Variants in TNKS observed in about 807,000 individuals in gnomAD.
The protein encoded by TNKS is poly [ADP-ribose] polymerase tankyrase-1.
TNKS carries 72 observed loss-of-function variants against 135.8 expected under a neutral mutation model. The observed-to-expected ratio is 0.53, with a 90% CI of 0.44 to 0.64. The LOEUF is 0.64. Ranked by LOEUF, TNKS falls within the 30% of genes least tolerant of loss-of-function variation. TNKS has a pLI of 0.00. For synonymous variants in TNKS, 849 were observed against 649.3 expected, an observed-to-expected ratio of 1.31 and a Z score of -4.68; for missense variants, 1,769 against 1,674.0, an observed-to-expected ratio of 1.06 and a Z score of -0.99.
At chr8:9,750,646 C>T (rs970158304) in intron 18 of TNKS, among the ~76,000 whole-genome samples, 6 of 152,288 alleles carry the variant, frequency 3.9e-5, no homozygotes, top group African/African-American at 9.6e-5. Flanking sequence ...CCAACCAAAG[C>T]CACATGTCCA....
chr8:9,647,959 G>A (rs1800979372), intron 3 of TNKS, among the ~76,000 whole-genome samples: 1 of 152,146 alleles, frequency 6.6e-6, no homozygotes, highest in African/African-American at 2.4e-5. Context: ...ACTGAATACT[G>A]TAGGCAGTTA....
intron 3 of TNKS, among the ~76,000 whole-genome samples, chr8:9,679,406 C>T (rs1051193580): frequency 6.6e-6 from 1 of 152,070 alleles, no homozygotes; most frequent in African/African-American, 2.4e-5. Flanking sequence ...CCTTGCCTAT[C>T]GAGTCAAAGC....
intron 2 of TNKS, among the ~76,000 whole-genome samples, chr8:9,591,253 T>C (rs1798581027): frequency 6.6e-6 from 1 of 152,230 alleles, no homozygotes; most frequent in African/African-American, 2.4e-5. Flanking sequence ...CCTAGGTCCA[T>C]TTGGCTAAAT....
chr8:9,731,543 GA>G (rs1300381696), intron 14 of TNKS, among the ~76,000 whole-genome samples: 1 of 150,722 alleles, frequency 6.6e-6, no homozygotes, highest in Non-Finnish European at 1.5e-5. Flanking sequence ...CCTGCTCAGA[GA>G]TACAGCATTC....
chr8:9,587,728 C>G (rs1388550204), intron 2 of TNKS, among the ~76,000 whole-genome samples: 2 of 152,138 alleles, frequency 1.3e-5, no homozygotes, highest in Non-Finnish European at 2.9e-5. Context: ...CCCAATGAGA[C>G]TTACGTCAGA....
In TNKS at chr8:9,780,347, G is replaced by A. The variant is rs867468269; in HGVS notation, c.*3611G>A. 6.6e-6 allele frequency: 1 copy of A among 152,102 alleles called. No individual in the cohort carries two copies. The highest frequency in any genetic ancestry group is 2.4e-5 in the African/African-American group (1 of 41,408). The allele number at this position is 152,102 out of a possible 1,614,324, so 9.4% of individuals were successfully genotyped here. ...AAATAGCCTTCTTCTTGTGTTTTCT[G>A]TTGGACTAATTGTCTCACGTAAAGC... On this transcript the variant is annotated 3_prime_UTR_variant, in exon 27 of 27. Coordinates refer to ENST00000310430, the MANE Select transcript of TNKS (RefSeq NM_003747.3).
chr8:9,613,966 G>T (rs533999810), intron 2 of TNKS, among the ~76,000 whole-genome samples: 1 of 152,194 alleles, frequency 6.6e-6, no homozygotes, highest in Non-Finnish European at 1.5e-5. Context: ...TGCAGTTCCT[G>T]AAGTATGCAG....
At chr8:9,716,670 C>T (rs975553575) in intron 11 of TNKS, among the ~76,000 whole-genome samples, 3 of 151,976 alleles carry the variant, frequency 2.0e-5, no homozygotes, top group Non-Finnish European at 2.9e-5. Context: ...CTCCCTGCTT[C>T]CCTCTTTCCC....
intron 17 of TNKS, among the ~76,000 whole-genome samples, chr8:9,745,114 T>C (rs1221095946): frequency 6.6e-6 from 1 of 152,176 alleles, no homozygotes. Flanking sequence ...AAGCTTGAAA[T>C]TATTCCGTGC....
chr8:9,667,410 G>A (rs890403403), intron 3 of TNKS, among the ~76,000 whole-genome samples: 8 of 152,172 alleles, frequency 5.3e-5, no homozygotes, highest in Admixed American at 1.3e-4. Context: ...TGCTCTTATC[G>A]GGATGCTTGG....
At chr8:9,625,726 G>A (rs748565689) in intron 3 of TNKS, among the ~76,000 whole-genome samples, 1 of 152,052 alleles carries the variant, frequency 6.6e-6, no homozygotes, top group Non-Finnish European at 1.5e-5. Context: ...TTTCTAGTTT[G>A]ATTCCATTGT....
intron 2 of TNKS, among the ~76,000 whole-genome samples, chr8:9,594,404 A>C (rs1798697339): frequency 6.6e-6 from 1 of 152,212 alleles, no homozygotes; most frequent in Non-Finnish European, 1.5e-5. Context: ...TTAAAAATTT[A>C]GTTTCTCAGT....
chr8:9,728,236 A>G (rs912802791), intron 13 of TNKS, among the ~76,000 whole-genome samples: 1 of 152,182 alleles, frequency 6.6e-6, no homozygotes, highest in African/African-American at 2.4e-5. Context: ...ATTGAGTGAG[A>G]ATTAGGCCTG....
intron 5 of TNKS, among the ~76,000 whole-genome samples, chr8:9,701,145 G>T (rs1803783385): frequency 6.6e-6 from 1 of 151,940 alleles, no homozygotes; most frequent in African/African-American, 2.4e-5. Flanking sequence ...CATCGTGTTA[G>T]CCAGGATGGT....
At chr8:9,759,701 G>A (rs1173567190) in intron 20 of TNKS, among the ~76,000 whole-genome samples, 10 of 152,140 alleles carry the variant, frequency 6.6e-5, no homozygotes, top group Admixed American at 1.3e-4. Flanking sequence ...AGGGCCAGGC[G>A]CGGTGGCTCA....
intron 3 of TNKS, among the ~76,000 whole-genome samples, chr8:9,619,677 C>G (rs1452155104): frequency 6.6e-6 from 1 of 152,098 alleles, no homozygotes; most frequent in Non-Finnish European, 1.5e-5. Flanking sequence ...AGCCCCCAGT[C>G]TCTCTATAAG....
At chr8:9,563,011 C>T (rs1418945531) in intron 1 of TNKS, among the ~76,000 whole-genome samples, 1 of 151,836 alleles carries the variant, frequency 6.6e-6, no homozygotes. Flanking sequence ...ATTATTCGTT[C>T]TTTTCTTTTT....
rs1205090640 is a variant in TNKS, at chr8:9,778,457, A to C, written c.*1721A>C. ...CTTAAAATATATACATTTTGCTTTG[A>C]TTTTGGCTTCAACCCAGTGCTGGAA... is the stretch of plus-strand genomic sequence containing the variant. On this transcript the variant is annotated 3_prime_UTR_variant, in exon 27 of 27. Transcript: ENST00000310430. 6.6e-6 allele frequency: 1 copy of C among 152,616 alleles called. No homozygotes were observed. Among genetic ancestry groups the C allele is most frequent in the East Asian group, 1.9e-4 (1 of 5,200 alleles). The allele number at this position is 152,616 out of a possible 1,614,324, so 9.5% of individuals were successfully genotyped here.
chr8:9,573,267 G>C (rs989276405), intron 1 of TNKS, among the ~76,000 whole-genome samples: 3 of 152,184 alleles, frequency 2.0e-5, no homozygotes, highest in Non-Finnish European at 4.4e-5. Flanking sequence ...TCCAGAGCCA[G>C]AATAGGTTCA....
Sources: allele counts gnomAD v4.1 joint callset (sites outside exome capture counted in the v4.1 genomes callset), GRCh38; gene constraint gnomAD v4.1.1; transcripts MANE v1.5; gene names NCBI Gene and HGNC (gene_info 2026-07-23, HGNC 2026-07-21).